NALF1: variants seen among roughly 807,000 people sequenced by gnomAD.
NALF1 encodes the protein family with sequence similarity 155 member A.
Under a neutral mutation model 48.4 loss-of-function variants are expected in NALF1, and 3 were observed. The ratio of observed to expected loss-of-function variants is 0.06; its 90% CI spans 0.03 to 0.16. The LOEUF (loss-of-function observed/expected upper bound fraction) is 0.16, where lower values mean the gene tolerates loss of function less well. NALF1 is among the 10% of genes least tolerant of loss of function. The pLI, the probability that NALF1 is intolerant of heterozygous loss-of-function variation, is 1.00. For missense variants in NALF1, 526 were observed against 571.5 expected, an observed-to-expected ratio of 0.92 and a Z score of 0.81; for synonymous variants, 262 against 245.7, an observed-to-expected ratio of 1.07 and a Z score of -0.62.
intron 1 of NALF1, among the ~76,000 whole-genome samples, chr13:107,420,375 AAACT>A (rs1373356006): frequency 6.6e-6 from 1 of 152,216 alleles, no homozygotes; most frequent in Admixed American, 6.5e-5. Flanking sequence ...AGAGGAAAAT[AAACT>A]AATAAAATAA....
chr13:107,477,225 A>G (rs1252044580), intron 1 of NALF1, among the ~76,000 whole-genome samples: 1 of 152,140 alleles, frequency 6.6e-6, no homozygotes, highest in Non-Finnish European at 1.5e-5. Flanking sequence ...TGTTTCACAA[A>G]TATTTGCTCA....
At chr13:107,703,744 T>C (rs1391960281) in intron 1 of NALF1, among the ~76,000 whole-genome samples, 1 of 152,028 alleles carries the variant, frequency 6.6e-6, no homozygotes, top group African/African-American at 2.4e-5. Flanking sequence ...TCCCCCGGAG[T>C]CCTTCAGTCT....
At chr13:107,676,247 C>T (rs1881119105) in intron 1 of NALF1, among the ~76,000 whole-genome samples, 1 of 152,154 alleles carries the variant, frequency 6.6e-6, no homozygotes, top group African/African-American at 2.4e-5. Context: ...CTTAAAAATA[C>T]TATTTATTCA....
At chr13:107,510,875 A>C (rs1470961820) in intron 1 of NALF1, among the ~76,000 whole-genome samples, 1 of 152,192 alleles carries the variant, frequency 6.6e-6, no homozygotes, top group Non-Finnish European at 1.5e-5. Context: ...TAAAAATTAC[A>C]GCTTTAGTTT....
At chr13:107,295,493 T>G (rs1881708227) in intron 1 of NALF1, among the ~76,000 whole-genome samples, 2 of 152,176 alleles carry the variant, frequency 1.3e-5, no homozygotes, top group African/African-American at 4.8e-5. Flanking sequence ...GTAGTGTCTC[T>G]CAGGTGCCTC....
At chr13:107,774,796 C>G (rs1018857988) in intron 1 of NALF1, among the ~76,000 whole-genome samples, 31 of 152,094 alleles carry the variant, frequency 2.0e-4, no homozygotes, top group Admixed American at 2.0e-3. Context: ...TATGAAGGAG[C>G]TGAAACCCTT....
At chr13:107,722,929 G>A (rs182896365) in intron 1 of NALF1, among the ~76,000 whole-genome samples, 1 of 152,266 alleles carries the variant, frequency 6.6e-6, no homozygotes, top group East Asian at 1.9e-4. Context: ...GCTGGTGCAG[G>A]CCCTAAACAG....
intron 1 of NALF1, among the ~76,000 whole-genome samples, chr13:107,675,733 G>A (rs995022015): frequency 6.6e-6 from 1 of 152,136 alleles, no homozygotes; most frequent in African/African-American, 2.4e-5. Context: ...ACTGGTATTA[G>A]CGCATGTCAA....
At position 107,617,536 on chromosome 13, in the gene NALF1, T is replaced by TA. The variant is rs148247956; in HGVS notation, c.915+248145dup. ...GATAAGAAAAATCTGTTCTCAAAAATAAAAAATATCTGACCACCACCGCAG... is the reference window on the plus strand; with the variant it reads ...GATAAGAAAAATCTGTTCTCAAAAATAAAAAAATATCTGACCACCACCGCAG... On this transcript the variant is annotated intron_variant, in intron 1 of 2. Coordinates refer to ENST00000375915, the MANE Select transcript of NALF1 (RefSeq NM_001080396.3). Among the ~76,000 whole-genome samples the TA allele has an allele frequency of 4.5e-3, 688 of 152,174 alleles. 5 individuals are homozygous for TA. The highest frequency in any genetic ancestry group is 0.015 in the African/African-American group (617 of 41,538).
rs74920081 is a variant in NALF1, at chr13:107,844,826, G to C, written c.915+20856C>G. Among the ~76,000 whole-genome samples the C allele has an allele frequency of 7.9e-3, 1,206 of 152,262 alleles. 9 individuals are homozygous for C. The highest frequency in any genetic ancestry group is 0.024 in the Middle Eastern group (7 of 294). ...TAAACTGTGCCTAATTTCCTCAAGAGCATGACCTTAGGGATAGGCGTTTCT... is the reference window on the plus strand; with the variant it reads ...TAAACTGTGCCTAATTTCCTCAAGACCATGACCTTAGGGATAGGCGTTTCT... On this transcript the variant is annotated intron_variant, in intron 1 of 2. Transcript: ENST00000375915.
At chr13:107,234,575 A>G (rs1038196942) in intron 1 of NALF1, among the ~76,000 whole-genome samples, 5 of 152,168 alleles carry the variant, frequency 3.3e-5, no homozygotes, top group African/African-American at 9.6e-5. Flanking sequence ...TTACTGGGTC[A>G]TGTGAAAAAG....
intron 1 of NALF1, among the ~76,000 whole-genome samples, chr13:107,810,644 T>C (rs1272487292): frequency 1.3e-5 from 2 of 152,154 alleles, no homozygotes; most frequent in African/African-American, 4.8e-5. Flanking sequence ...GTCTTGGTTA[T>C]TGGCAGATCA....
chr13:107,677,057 GT>G (rs1398781086), intron 1 of NALF1, among the ~76,000 whole-genome samples: 1 of 143,920 alleles, frequency 6.9e-6, no homozygotes. Context: ...GTTTGTTTTT[GT>G]TTTTATGAGA....
chr13:107,794,644 T>G, intron 1 of NALF1, among the ~76,000 whole-genome samples: 1 of 144,588 alleles, frequency 6.9e-6, no homozygotes, highest in South Asian at 2.3e-4. Flanking sequence ...CATAATTGAG[T>G]TAAAAAAAAA....
At chr13:107,320,093 C>A (rs1188360534) in intron 1 of NALF1, among the ~76,000 whole-genome samples, 1 of 152,012 alleles carries the variant, frequency 6.6e-6, no homozygotes, top group Non-Finnish European at 1.5e-5. Flanking sequence ...AAGAGATGTT[C>A]TAGAAAAGGT....
intron 1 of NALF1, among the ~76,000 whole-genome samples, chr13:107,701,009 AAG>A (rs1881804971): frequency 6.6e-6 from 1 of 152,176 alleles, no homozygotes; most frequent in South Asian, 2.1e-4. Context: ...GTACAGAGAA[AAG>A]AGAACCCCAG....
chr13:107,796,361 C>G (rs1211559600), intron 1 of NALF1, among the ~76,000 whole-genome samples: 1 of 152,046 alleles, frequency 6.6e-6, no homozygotes, highest in Admixed American at 6.6e-5. Flanking sequence ...ATTTTGGAGG[C>G]CTTGATGTAA....
At chr13:107,540,022 A>G (rs1480765535) in intron 1 of NALF1, among the ~76,000 whole-genome samples, 2 of 150,102 alleles carry the variant, frequency 1.3e-5, no homozygotes, top group Non-Finnish European at 3.0e-5. Context: ...GAGGAAAACG[A>G]CAATAGATAC....
At chr13:107,219,619 G>A (rs934355704) in intron 1 of NALF1, among the ~76,000 whole-genome samples, 2 of 152,164 alleles carry the variant, frequency 1.3e-5, no homozygotes, top group African/African-American at 2.4e-5. Context: ...TGGAGCACTT[G>A]ATGATTAATA....
Sources: gnomAD v4.1 joint callset for allele counts (sites outside exome capture counted in the v4.1 genomes callset) on GRCh38, gnomAD v4.1.1 for gene constraint, MANE v1.5 for transcripts, NCBI Gene and HGNC (gene_info 2026-07-23, HGNC 2026-07-21) for gene names.